ARL15: variants seen among roughly 807,000 people sequenced by gnomAD.
ARL15 encodes ADP-ribosylation factor-like protein 15.
In ARL15, 19 loss-of-function variants were observed where a neutral mutation model predicts 25.2. The observed-to-expected ratio is 0.75, with a 90% CI of 0.53 to 1.10. The LOEUF (loss-of-function observed/expected upper bound fraction) is 1.10, where lower values mean the gene tolerates loss of function less well. ARL15 is among the 50% of genes least tolerant of loss of function. ARL15 has a pLI of 0.00. For synonymous variants in ARL15, 94 were observed against 86.8 expected (o/e 1.08, Z -0.46); for missense variants, 220 against 246.0 (o/e 0.89, Z 0.71).
intron 1 of ARL15, among the ~76,000 whole-genome samples, chr5:54,196,257 A>G (rs1755546175): frequency 6.6e-6 from 1 of 152,148 alleles, no homozygotes; most frequent in African/African-American, 2.4e-5. Context: ...CACATTCATC[A>G]AAAAGATCAC....
At chr5:54,253,035 GT>G (rs889634040) in intron 1 of ARL15, among the ~76,000 whole-genome samples, 17 of 150,440 alleles carry the variant, frequency 1.1e-4, no homozygotes, top group African/African-American at 2.7e-4. Flanking sequence ...CAGAGGTCAA[GT>G]TTTTTTTTTT....
intron 2 of ARL15, among the ~76,000 whole-genome samples, chr5:54,155,733 G>A (rs1754212976): frequency 6.6e-6 from 1 of 151,056 alleles, no homozygotes; most frequent in African/African-American, 2.4e-5. Context: ...TATACACACA[G>A]ATTCTTTCTG....
At chr5:54,151,389 T>C (rs1754065927) in intron 3 of ARL15, among the ~76,000 whole-genome samples, 1 of 152,160 alleles carries the variant, frequency 6.6e-6, no homozygotes, top group South Asian at 2.1e-4. Context: ...TTCACTAATT[T>C]CCTATTTCTC....
At chr5:54,007,131 AT>A (rs1749070090) in intron 4 of ARL15, among the ~76,000 whole-genome samples, 1 of 152,118 alleles carries the variant, frequency 6.6e-6, no homozygotes, top group African/African-American at 2.4e-5. Flanking sequence ...GCTTGATTTC[AT>A]TTTGTTCTTA....
intron 4 of ARL15, among the ~76,000 whole-genome samples, chr5:54,054,159 T>C (rs1561204534): frequency 6.6e-6 from 1 of 152,208 alleles, no homozygotes. Context: ...TCCCCTTACT[T>C]CCGGTACCTC....
intron 4 of ARL15, among the ~76,000 whole-genome samples, chr5:54,034,048 C>T (rs985774747): frequency 4.6e-5 from 7 of 152,128 alleles, no homozygotes; most frequent in Admixed American, 1.3e-4. Context: ...CTCCTGACTT[C>T]GTGATCCGCT....
chr5:53,970,799 CA>C (rs754558456), intron 4 of ARL15, among the ~76,000 whole-genome samples: 32 of 152,162 alleles, frequency 2.1e-4, no homozygotes, highest in Non-Finnish European at 4.0e-4. Context: ...AGATGCCAGA[CA>C]AAACAGACAA....
At chr5:53,889,898 T>C (rs902267057) in intron 4 of ARL15, among the ~76,000 whole-genome samples, 5 of 151,154 alleles carry the variant, frequency 3.3e-5, no homozygotes, top group African/African-American at 9.7e-5. Flanking sequence ...CTGCAACCTC[T>C]GCCTCCTGGG....
Position 54,161,874 on chromosome 5 carries a change from T to C in ARL15, c.194-7235A>G, listed in dbSNP as rs142822627. Reference sequence around the variant, plus strand: ...GCCATCTTCCACACTGAAGTCTACATACACATGTGGATTTCTGACTTCCTC... The same window carrying C: ...GCCATCTTCCACACTGAAGTCTACACACACATGTGGATTTCTGACTTCCTC... On this transcript the variant is annotated intron_variant, in intron 2 of 4. Coordinates refer to ENST00000504924, the MANE Select transcript of ARL15 (RefSeq NM_019087.3). Among the ~76,000 whole-genome samples the C allele has an allele frequency of 5.5e-3, 839 of 152,250 alleles. 4 individuals carry two copies. The highest frequency in any genetic ancestry group is 7.9e-3 in the Non-Finnish European group (536 of 68,008).
intron 1 of ARL15, among the ~76,000 whole-genome samples, chr5:54,237,325 C>T (rs943664290): frequency 1.1e-4 from 16 of 152,180 alleles, no homozygotes; most frequent in African/African-American, 3.6e-4. Flanking sequence ...TGTGAGTCCA[C>T]TAAACCTCTT....
chr5:54,050,889 G>A (rs1225475698), intron 4 of ARL15, among the ~76,000 whole-genome samples: 1 of 151,970 alleles, frequency 6.6e-6, no homozygotes, highest in Non-Finnish European at 1.5e-5. Flanking sequence ...CTTTCCCTAT[G>A]TTAACTTTCT....
intron 4 of ARL15, among the ~76,000 whole-genome samples, chr5:54,026,136 C>G (rs1251059404): frequency 1.3e-5 from 2 of 152,132 alleles, no homozygotes; most frequent in East Asian, 3.8e-4. Context: ...GACTGACTAG[C>G]TTGTTTCAAC....
At chr5:54,042,995 T>C (rs749102871) in intron 4 of ARL15, among the ~76,000 whole-genome samples, 90 of 152,204 alleles carry the variant, frequency 5.9e-4, no homozygotes, top group Non-Finnish European at 1.1e-3. Flanking sequence ...CTGCTTCAGA[T>C]ACACAAAGGC....
At chr5:54,002,760 A>G (rs1382444096) in intron 4 of ARL15, among the ~76,000 whole-genome samples, 2 of 152,224 alleles carry the variant, frequency 1.3e-5, no homozygotes, top group African/African-American at 4.8e-5. Context: ...TTTCTTCAAC[A>G]AAGTTGACAA....
At chr5:54,066,238 C>T (rs1438771190) in intron 4 of ARL15, among the ~76,000 whole-genome samples, 3 of 152,236 alleles carry the variant, frequency 2.0e-5, no homozygotes, top group African/African-American at 7.2e-5. Context: ...CCTAAGCCCC[C>T]ATTTGCCAAC....
intron 4 of ARL15, among the ~76,000 whole-genome samples, chr5:54,018,489 A>C (rs1355811109): frequency 2.0e-5 from 3 of 152,236 alleles, no homozygotes; most frequent in Non-Finnish European, 4.4e-5. Context: ...ACAAGTTAAG[A>C]AAAAGGCACC....
rs770279027 is a variant in ARL15, at chr5:54,113,306, T to C, written c.358A>G (p.Arg120Gly). Residue 120 changes from arginine to glycine, a missense_variant, in exon 4 of 5, where the codon AGA becomes GGA. Coordinates refer to ENST00000504924, the MANE Select transcript of ARL15 (RefSeq NM_019087.3). ...ASSEDDLEAA[R>G]NELHSALQHP... ...TGAAGAGCTGAGTGCAGCTCATTTCTAGCAGCTTCTAAATCATCCTCTGAA... is the reference window on the plus strand; with the variant it reads ...TGAAGAGCTGAGTGCAGCTCATTTCCAGCAGCTTCTAAATCATCCTCTGAA... 1 of 1,614,010 alleles carries C rather than the reference T, an allele frequency of 6.2e-7. No individual in the cohort carries two copies. Among genetic ancestry groups the C allele is most frequent in the South Asian group, 1.1e-5 (1 of 91,088 alleles).
intron 4 of ARL15, among the ~76,000 whole-genome samples, chr5:54,093,427 G>C (rs925641430): frequency 1.3e-5 from 2 of 152,140 alleles, no homozygotes; most frequent in African/African-American, 2.4e-5. Flanking sequence ...GGATGTGACA[G>C]AGCCTGCTCA....
chr5:54,046,296 C>A (rs1356229106), intron 4 of ARL15, among the ~76,000 whole-genome samples: 1 of 152,112 alleles, frequency 6.6e-6, no homozygotes, highest in Admixed American at 6.6e-5. Context: ...GCCTGGCCAA[C>A]ATGGCAAAAC....
Sources: allele counts gnomAD v4.1 joint callset (sites outside exome capture counted in the v4.1 genomes callset), GRCh38; gene constraint gnomAD v4.1.1; transcripts MANE v1.5; gene names NCBI Gene and HGNC (gene_info 2026-07-23, HGNC 2026-07-21).